MAGT1: variants seen among roughly 807,000 people sequenced by gnomAD.
MAGT1 encodes magnesium transporter 1.
In MAGT1, 4 loss-of-function variants were observed where a neutral mutation model predicts 28.4. That is an observed-to-expected ratio of 0.14 (90% confidence interval 0.07 to 0.32). MAGT1 has a LOEUF of 0.32. Among genes scored for constraint, MAGT1 ranks in the 10% least tolerant of loss-of-function variants. MAGT1 has a pLI of 1.00. For missense variants in MAGT1, 193 were observed against 264.5 expected, an observed-to-expected ratio of 0.73 and a Z score of 1.88; for synonymous variants, 89 against 89.7, an observed-to-expected ratio of 0.99 and a Z score of 0.04.
At chrX:77,850,661 T>C (rs1340919667) in intron 7 of MAGT1, among the ~76,000 whole-genome samples, 1 of 111,157 alleles carries the variant, frequency 9.0e-6, no homozygotes, top group Non-Finnish European at 1.9e-5. Flanking sequence ...ACACAAGACA[T>C]TCTATATCCC....
At chrX:77,892,455 G>C (rs1557219565) in intron 1 of MAGT1, among the ~76,000 whole-genome samples, 2 of 111,170 alleles carry the variant, frequency 1.8e-5, no homozygotes, top group African/African-American at 6.6e-5. Flanking sequence ...TTACTGATGA[G>C]AAAATCCAAT....
At chrX:77,894,252 A>G (rs2077092304) in intron 1 of MAGT1, among the ~76,000 whole-genome samples, 1 of 112,206 alleles carries the variant, frequency 8.9e-6, no homozygotes, top group Admixed American at 9.5e-5. Flanking sequence ...TGACAATTGT[A>G]TATTTTTATT....
intron 2 of MAGT1, among the ~76,000 whole-genome samples, chrX:77,871,600 T>G (rs1015947332): frequency 9.0e-6 from 1 of 111,309 alleles, no homozygotes; most frequent in Non-Finnish European, 1.9e-5. Context: ...TCCCAGCACG[T>G]TGGGAGGCTG....
chrX:77,868,952 CA>C (rs1189116479), intron 3 of MAGT1, among the ~76,000 whole-genome samples: 2 of 112,007 alleles, frequency 1.8e-5, no homozygotes, highest in Non-Finnish European at 3.8e-5. Flanking sequence ...GGTAAGGGGA[CA>C]AAAGAAATCA....
intron 1 of MAGT1, among the ~76,000 whole-genome samples, chrX:77,891,791 GAA>G (rs2077083359): frequency 9.0e-6 from 1 of 111,260 alleles, no homozygotes; most frequent in Non-Finnish European, 1.9e-5. Context: ...AATTTAAAAA[GAA>G]AAATAAGTCC....
chrX:77,847,894 G>A (rs1163787638), intron 7 of MAGT1, among the ~76,000 whole-genome samples: 2 of 111,358 alleles, frequency 1.8e-5, no homozygotes, highest in East Asian at 5.6e-4. Flanking sequence ...TTACAGGCAT[G>A]AGCCACCATG....
intron 3 of MAGT1, among the ~76,000 whole-genome samples, chrX:77,865,441 C>A (rs1305002309): frequency 9.1e-6 from 1 of 110,017 alleles, no homozygotes; most frequent in Non-Finnish European, 1.9e-5. Flanking sequence ...AGGCGCACAC[C>A]ACCATGCCCG....
chrX:77,867,145 C>A (rs2077010284), intron 3 of MAGT1, among the ~76,000 whole-genome samples: 1 of 66,753 alleles, frequency 1.5e-5, no homozygotes, highest in Non-Finnish European at 4.1e-5. Flanking sequence ...TTCTCTATTG[C>A]AATTCCTCTG....
chrX:77,829,517 C>T (rs1557213188), intron 9 of MAGT1, among the ~76,000 whole-genome samples: 2 of 110,948 alleles, frequency 1.8e-5, no homozygotes, highest in African/African-American at 6.6e-5. Context: ...CACTGTGTTG[C>T]CCAGTCTGGT....
At chrX:77,850,010 A>T (rs1374569736) in intron 7 of MAGT1, among the ~76,000 whole-genome samples, 1 of 112,005 alleles carries the variant, frequency 8.9e-6, no homozygotes, top group Non-Finnish European at 1.9e-5. Flanking sequence ...GCAACTGATT[A>T]TATAGTCTGC....
chrX:77,868,738 T>C, intron 3 of MAGT1: 1 of 267,387 alleles, frequency 3.7e-6, no homozygotes, highest in Non-Finnish European at 7.2e-6. Flanking sequence ...GAAAATTGCT[T>C]GAACCCAAAA....
Position 77,894,255 on chromosome X carries a change from T to G in MAGT1, c.102+1054A>C, listed in dbSNP as rs150412454. On this transcript the variant is annotated intron_variant, in intron 1 of 9. Coordinates refer to ENST00000618282, the MANE Select transcript of MAGT1 (RefSeq NM_001367916.1). Reference sequence around the variant, plus strand: ...TCACGATACTTTTGACAATTGTATATTTTTATTGTACTCTTTGCCAATCTA... The same window carrying G: ...TCACGATACTTTTGACAATTGTATAGTTTTATTGTACTCTTTGCCAATCTA... Among the ~76,000 whole-genome samples, 879 of 112,300 alleles carry G rather than the reference T, an allele frequency of 7.8e-3. 9 individuals are homozygous for G. Among genetic ancestry groups the G allele is most frequent in the African/African-American group, 0.028 (852 of 30,943 alleles).
intron 3 of MAGT1, among the ~76,000 whole-genome samples, chrX:77,860,003 C>T (rs1322695695): frequency 8.9e-6 from 1 of 112,379 alleles, no homozygotes; most frequent in African/African-American, 3.2e-5. Context: ...GAAGACTGTA[C>T]TTTATCATTA....
intron 1 of MAGT1, among the ~76,000 whole-genome samples, chrX:77,881,214 GCA>G (rs2077051282): frequency 1.8e-5 from 2 of 110,740 alleles, no homozygotes; most frequent in Non-Finnish European, 3.8e-5. Flanking sequence ...TTTAAAATAT[GCA>G]ATCTATATTT....
chrX:77,863,286 G>T (rs1260473509), intron 3 of MAGT1, among the ~76,000 whole-genome samples: 1 of 110,500 alleles, frequency 9.0e-6, no homozygotes, highest in African/African-American at 3.3e-5. Context: ...GCCGAGGTGG[G>T]CGGATCACGA....
chrX:77,846,351 T>G (rs1557214919), intron 7 of MAGT1, among the ~76,000 whole-genome samples: 1 of 111,292 alleles, frequency 9.0e-6, no homozygotes, highest in Non-Finnish European at 1.9e-5. Context: ...TTTTTCAAGG[T>G]TTTTAACTTC....
intron 2 of MAGT1, among the ~76,000 whole-genome samples, chrX:77,874,908 G>A (rs1397945259): frequency 9.3e-6 from 1 of 107,748 alleles, no homozygotes; most frequent in East Asian, 2.9e-4. Context: ...AGGCTGGAGT[G>A]CAGTGGCGCA....
intron 4 of MAGT1, among the ~76,000 whole-genome samples, chrX:77,857,112 G>C (rs782507504): frequency 1.2e-4 from 13 of 111,728 alleles, no homozygotes; most frequent in Non-Finnish European, 2.4e-4. Context: ...GATTTGCCAA[G>C]TACAACTAGA....
chrX:77,879,855 T>TA (rs1557218239), intron 1 of MAGT1, among the ~76,000 whole-genome samples: 7 of 102,036 alleles, frequency 6.9e-5, no homozygotes, highest in African/African-American at 2.2e-4. Context: ...TTTTTTTTTT[T>TA]AGACAGAGTC....
Sources: allele counts gnomAD v4.1 joint callset (sites outside exome capture counted in the v4.1 genomes callset), GRCh38; gene constraint gnomAD v4.1.1; transcripts MANE v1.5; gene names NCBI Gene and HGNC (gene_info 2026-07-23, HGNC 2026-07-21).